NALF1: variants seen among roughly 807,000 people sequenced by gnomAD.
The protein encoded by NALF1 is family with sequence similarity 155 member A.
A neutral mutation model predicts 48.4 loss-of-function variants in NALF1; 3 were observed. That is an observed-to-expected ratio of 0.06 (90% CI 0.03 to 0.16). NALF1 has a LOEUF of 0.16. Ranked by LOEUF, NALF1 falls within the 10% of genes least tolerant of loss-of-function variation. NALF1 has a pLI of 1.00. For missense variants in NALF1, 526 were observed against 571.5 expected (o/e 0.92, Z 0.81); for synonymous variants, 262 against 245.7 (o/e 1.07, Z -0.62).
intron 1 of NALF1, among the ~76,000 whole-genome samples, chr13:107,355,569 C>T (rs925230723): frequency 6.6e-6 from 1 of 151,982 alleles, no homozygotes; most frequent in African/African-American, 2.4e-5. Context: ...GATCAGGCTT[C>T]CCCCTTGCTG....
intron 1 of NALF1, among the ~76,000 whole-genome samples, chr13:107,619,826 C>T (rs1227832055): frequency 6.6e-6 from 1 of 152,198 alleles, no homozygotes; most frequent in Non-Finnish European, 1.5e-5. Context: ...CCTCAGGTAA[C>T]CATGTCATAT....
intron 1 of NALF1, among the ~76,000 whole-genome samples, chr13:107,454,565 T>C (rs1487194334): frequency 6.6e-6 from 1 of 152,128 alleles, no homozygotes; most frequent in African/African-American, 2.4e-5. Context: ...ATGGGGATTA[T>C]AGGGATTACA....
intron 1 of NALF1, among the ~76,000 whole-genome samples, chr13:107,769,386 T>C (rs1411389372): frequency 6.8e-6 from 1 of 147,800 alleles, no homozygotes; most frequent in African/African-American, 2.5e-5. Context: ...TCATGTCCTT[T>C]GTAGGGACGT....
At chr13:107,439,463 T>C (rs1252021251) in intron 1 of NALF1, among the ~76,000 whole-genome samples, 1 of 152,226 alleles carries the variant, frequency 6.6e-6, no homozygotes, top group African/African-American at 2.4e-5. Flanking sequence ...TATGTTGGAC[T>C]AGGTCTTCAC....
chr13:107,851,164 A>G (rs1880304436), intron 1 of NALF1, among the ~76,000 whole-genome samples: 1 of 152,126 alleles, frequency 6.6e-6, no homozygotes, highest in Admixed American at 6.6e-5. Context: ...CTCTCTTTCA[A>G]TGTCGTCTGA....
Position 107,866,193 on chromosome 13 carries a change from G to A in NALF1, c.404C>T (p.Pro135Leu), listed in dbSNP as rs1382663014. ...ASSSPTLPPS[P>L]GDGGGGGGKG... is the part of the protein sequence containing the mutation. ...GCCGCCGCCGCCGCCGCCGTCTCCC[G>A]GGGAGGGGGGCAGGGTGGGGGACGA... The change falls in exon 1 of 3, where the codon CCG (proline) becomes CTG (leucine). Residue 135 changes from proline (P) to leucine (L), a missense_variant. Pro to Leu is a moderately conservative substitution (Grantham distance 98, BLOSUM62 -3). Coordinates refer to ENST00000375915, the MANE Select transcript of NALF1 (RefSeq NM_001080396.3). This position sits in a 1 kb window ranked among gnomAD's most constrained non-coding sequence, Gnocchi z 4.4. 1.9e-6 allele frequency: 3 copies of A among 1,602,412 alleles called. No homozygotes were observed. In the East Asian group the frequency reaches 6.7e-5, roughly 36 times the overall value.
chr13:107,532,508 A>T (rs1280957599), intron 1 of NALF1, among the ~76,000 whole-genome samples: 1 of 152,120 alleles, frequency 6.6e-6, no homozygotes, highest in African/African-American at 2.4e-5. Context: ...TTATCTTCTT[A>T]AATATCAAGA....
chr13:107,523,111 AAGG>A (rs918707952), intron 1 of NALF1, among the ~76,000 whole-genome samples: 17 of 152,176 alleles, frequency 1.1e-4, no homozygotes, highest in African/African-American at 4.1e-4. Context: ...TCAGAGGATT[AAGG>A]AGAAGAACTA....
chr13:107,357,023 G>C (rs913387707), intron 1 of NALF1, among the ~76,000 whole-genome samples: 1 of 152,156 alleles, frequency 6.6e-6, no homozygotes, highest in Non-Finnish European at 1.5e-5. Context: ...TACACATCAA[G>C]AGGGAAAGGA....
intron 1 of NALF1, among the ~76,000 whole-genome samples, chr13:107,655,247 A>T (rs561612508): frequency 1.3e-5 from 2 of 152,106 alleles, no homozygotes; most frequent in East Asian, 3.9e-4. Context: ...TACCTAGAAA[A>T]CCCTAAAGAC....
At chr13:107,374,388 C>T (rs915828983) in intron 1 of NALF1, among the ~76,000 whole-genome samples, 2 of 152,172 alleles carry the variant, frequency 1.3e-5, no homozygotes, top group Non-Finnish European at 2.9e-5. Flanking sequence ...GGGTTAACTT[C>T]CCATCCAATA....
intron 1 of NALF1, among the ~76,000 whole-genome samples, chr13:107,674,025 C>G (rs1409231753): frequency 6.6e-6 from 1 of 152,122 alleles, no homozygotes; most frequent in Non-Finnish European, 1.5e-5. Context: ...CTCTTTATTA[C>G]TGGCCCAAAG....
intron 1 of NALF1, among the ~76,000 whole-genome samples, chr13:107,574,874 T>C (rs1255799248): frequency 6.6e-6 from 1 of 152,158 alleles, no homozygotes; most frequent in African/African-American, 2.4e-5. Flanking sequence ...AAAGAAAGTA[T>C]ATACAATCTA....
chr13:107,634,131 C>T (rs1397182751), intron 1 of NALF1, among the ~76,000 whole-genome samples: 1 of 151,940 alleles, frequency 6.6e-6, no homozygotes, highest in East Asian at 1.9e-4. Flanking sequence ...TAGAGAACAT[C>T]AACTGATTAA....
chr13:107,233,238 A>C (rs2138827043), intron 1 of NALF1, among the ~76,000 whole-genome samples: 1 of 152,370 alleles, frequency 6.6e-6, no homozygotes, highest in South Asian at 2.1e-4. Context: ...TCATATCAGA[A>C]AAATTCCATA....
intron 1 of NALF1, among the ~76,000 whole-genome samples, chr13:107,621,353 A>G (rs898663382): frequency 6.6e-6 from 1 of 152,206 alleles, no homozygotes; most frequent in Admixed American, 6.5e-5. Context: ...TTTATTAATG[A>G]CAATGTTAAG....
chr13:107,472,411 A>AG (rs1885115393), intron 1 of NALF1, among the ~76,000 whole-genome samples: 1 of 152,144 alleles, frequency 6.6e-6, no homozygotes, highest in African/African-American at 2.4e-5. Context: ...ATTGGATTGA[A>AG]GGATGTGAAG....
At position 107,713,387 on chromosome 13, in the gene NALF1, T is replaced by C. The variant is rs188895837; in HGVS notation, c.915+152295A>G. 1.7e-4 allele frequency among the ~76,000 whole-genome samples: 26 copies of C among 152,308 alleles called. 1 individual carries two copies. Among genetic ancestry groups the C allele is most frequent in the East Asian group, 1.2e-3 (6 of 5,178 alleles). ...ATATTTTTTACTGAATATAATGATATCAACATGTAATGATATGGCTCATAT... is the reference window on the plus strand; with the variant it reads ...ATATTTTTTACTGAATATAATGATACCAACATGTAATGATATGGCTCATAT... On this transcript the variant is annotated intron_variant, in intron 1 of 2. Coordinates refer to ENST00000375915, the MANE Select transcript of NALF1 (RefSeq NM_001080396.3).
chr13:107,175,091 G>A (rs1311419178), intron 2 of NALF1, among the ~76,000 whole-genome samples: 3 of 127,910 alleles, frequency 2.3e-5, no homozygotes, highest in East Asian at 2.3e-4. Context: ...GGGTTTCATC[G>A]TGTTAGCCAG....
Sources: allele counts gnomAD v4.1 joint callset (sites outside exome capture counted in the v4.1 genomes callset), GRCh38; gene constraint gnomAD v4.1.1; non-coding constraint Gnocchi (gnomAD v3.1); transcripts MANE v1.5; gene names NCBI Gene and HGNC (gene_info 2026-07-23, HGNC 2026-07-21).